The following CASZ1 variants were observed in gnomAD, a reference collection of about 807,000 sequenced individuals.
CASZ1 encodes the protein castor zinc finger 1.
Under a neutral mutation model 135.2 loss-of-function variants are expected in CASZ1, and 28 were observed. The observed-to-expected ratio is 0.21, with a 90% confidence interval of 0.15 to 0.28. The LOEUF (loss-of-function observed/expected upper bound fraction) is 0.28. Among genes scored for constraint, CASZ1 ranks in the 10% least tolerant of loss-of-function variants. CASZ1 has a pLI of 1.00. For synonymous variants in CASZ1, 1,068 were observed against 1,073.4 expected (o/e 0.99, Z 0.10); for missense variants, 2,161 against 2,453.3 (o/e 0.88, Z 2.52).
At position 10,757,212 on chromosome 1, in the gene CASZ1, G is replaced by A. The variant is rs1640275927; in HGVS notation, c.-77+3489C>T. Among the ~76,000 whole-genome samples, 1 of 152,146 alleles carries A rather than the reference G, an allele frequency of 6.6e-6. No homozygotes were observed. Among genetic ancestry groups the A allele is most frequent in the Non-Finnish European group, 1.5e-5 (1 of 68,008 alleles). ...CTCTCAAAGCCATGGGTCTTTCTTG[G>A]TACTGCTGTGTTCAGGGGGCAGGAG... On this transcript the variant is annotated intron_variant, in intron 2 of 20. Transcript: ENST00000377022. This position sits in a 1 kb window ranked among gnomAD's most constrained non-coding sequence, Gnocchi z 4.6.
In CASZ1 at chr1:10,711,761, A is replaced by G. The variant is rs1639290663; in HGVS notation, c.-76-6217T>C. On this transcript the variant is annotated intron_variant, in intron 2 of 20. Coordinates refer to ENST00000377022, the MANE Select transcript of CASZ1 (RefSeq NM_001079843.3). This position sits in a 1 kb window ranked among gnomAD's most constrained non-coding sequence, Gnocchi z 4.4. Reference sequence around the variant, plus strand: ...TTATTCAGCTATAAAAAAGGAGTGAAGTTCTGATATGGGCTACAATGTGGA... The same window carrying G: ...TTATTCAGCTATAAAAAAGGAGTGAGGTTCTGATATGGGCTACAATGTGGA... Among the ~76,000 whole-genome samples the G allele has an allele frequency of 6.6e-6, 1 of 152,188 alleles. No homozygotes were observed. Among genetic ancestry groups the G allele is most frequent in the Non-Finnish European group, 1.5e-5 (1 of 68,036 alleles).
chr1:10,721,600 C>T lies in CASZ1; in HGVS notation c.-76-16056G>A, dbSNP rs138768762. Among the ~76,000 whole-genome samples the T allele has an allele frequency of 2.6e-5, 4 of 152,320 alleles. No homozygotes were observed. The highest frequency in any genetic ancestry group is 6.5e-5 in the Admixed American group (1 of 15,304). On this transcript the variant is annotated intron_variant, in intron 2 of 20. Coordinates refer to ENST00000377022, the MANE Select transcript of CASZ1 (RefSeq NM_001079843.3). This position sits in a 1 kb window ranked among gnomAD's most constrained non-coding sequence, Gnocchi z 5.4. ...AACAGGGCAACTGGCTACCTGCCAGCGTGGCCCCCTTGCCATCAGAGCCCA... is the reference window on the plus strand; with the variant it reads ...AACAGGGCAACTGGCTACCTGCCAGTGTGGCCCCCTTGCCATCAGAGCCCA...
rs997029409 is a variant in CASZ1 at position 10,706,873 on chromosome 1, G to A, written c.-76-1329C>T. Among the ~76,000 whole-genome samples the A allele has an allele frequency of 7.2e-5, 11 of 151,784 alleles. No homozygotes were observed. The highest frequency in any genetic ancestry group is 1.3e-4 in the Non-Finnish European group (9 of 67,876). On this transcript the variant is annotated intron_variant, in intron 2 of 20. Coordinates refer to ENST00000377022, the MANE Select transcript of CASZ1 (RefSeq NM_001079843.3). This position sits in a 1 kb window ranked among gnomAD's most constrained non-coding sequence, Gnocchi z 4.3. The stretch of plus-strand genomic sequence containing the variant: ...CGGGGGGGTCTGCAGAGAGCTGGGC[G>A]GACCCCTGAGACAGGGGGCGGTAGA...
rs200129464 is a variant in CASZ1 at position 10,665,417 on chromosome 1, G to A, written c.171C>T (p.Ser57=). Residue 57 remains serine, a synonymous_variant, in exon 5 of 21, where the codon AGC becomes AGT. Transcript: ENST00000377022. The stretch of plus-strand genomic sequence containing the variant: ...GCTCTTGGTCCCGGGGCTGCGATGG[G>A]CTGCCCTCCGTGTGGGAGCCGGCGT... ...RADAGSHTEG[S]PSQPRDQERS... 1.9e-5 allele frequency: 30 copies of A among 1,612,416 alleles called. No individual in the cohort carries two copies. In the African/African-American group the frequency reaches 3.1e-4, roughly 16 times the overall value.
chr1:10,656,983 G>A (rs1642822088), intron 7 of CASZ1, among the ~76,000 whole-genome samples: 1 of 152,192 alleles, frequency 6.6e-6, no homozygotes, highest in South Asian at 2.1e-4. Context: ...GGGGGAGACA[G>A]ATGGGGCCCG....
At position 10,647,040 on chromosome 1, in the gene CASZ1, G is replaced by T. The variant is rs1253316428; in HGVS notation, c.3498-714C>A. 6.6e-6 allele frequency among the ~76,000 whole-genome samples: 1 copy of T among 151,898 alleles called. No homozygotes were observed. The highest frequency in any genetic ancestry group is 6.5e-5 in the Admixed American group (1 of 15,272). On this transcript the variant is annotated intron_variant, in intron 16 of 20. Transcript: ENST00000377022. The surrounding 1 kb of genome is among the most constrained non-coding windows in gnomAD (Gnocchi z 4.9). ...GGCAACACTGTAGTCCCCTCCCAGG[G>T]GACCCACGGTGGGCACTCTGACCAG...
rs1642254443 is a variant in CASZ1, at chr1:10,642,943, T to G, written c.4078A>C (p.Ser1360Arg). The G allele has an allele frequency of 6.2e-7, 1 of 1,612,930 alleles. No homozygotes were observed. The highest frequency in any genetic ancestry group is 1.3e-5 in the African/African-American group (1 of 74,946). ...TDECMDYTGC[S>R]PGAMSSESST... ...GACTCAGAGGACATGGCGCCTGGGC[T>G]GCAGCCAGTGTAGTCCATGCACTCA... is the stretch of plus-strand genomic sequence containing the variant. The change falls in exon 20 of 21, where the codon AGC becomes CGC. Residue 1360 changes from serine to arginine, a missense_variant. Ser to Arg is a moderately radical substitution (Grantham distance 110). Transcript: ENST00000377022.
At chr1:10,792,340 C>A (rs1426541878) in intron 1 of CASZ1, among the ~76,000 whole-genome samples, 1 of 23,938 alleles carries the variant, frequency 4.2e-5, no homozygotes, top group Admixed American at 5.3e-4. Flanking sequence ...CCCCCCCCCC[C>A]GGCCCCGCAC....
chr1:10,736,876 C>T (rs934053305), intron 2 of CASZ1, among the ~76,000 whole-genome samples: 6 of 152,206 alleles, frequency 3.9e-5, no homozygotes, highest in African/African-American at 7.2e-5. Context: ...ACTGGCACGC[C>T]TGGGTGGGAG....
At chr1:10,656,774 G>T (rs1398307011) in intron 7 of CASZ1, 38 bp from the exon 8 acceptor site, 8 of 1,400,616 alleles carry the variant, frequency 5.7e-6, no homozygotes, top group African/African-American at 1.4e-5. Flanking sequence ...CCCTGCTGTG[G>T]GTGACAGTCC....
intron 1 of CASZ1, among the ~76,000 whole-genome samples, chr1:10,787,935 T>C (rs1186180803): frequency 1.3e-5 from 2 of 151,930 alleles, no homozygotes; most frequent in Non-Finnish European, 2.9e-5. Context: ...AAACACAGAG[T>C]TTGAAAAAAT....
At chr1:10,658,701 G>T in intron 6 of CASZ1, 125 bp from the exon 7 acceptor site, 1 of 819,158 alleles carries the variant, frequency 1.2e-6, no homozygotes, top group East Asian at 2.5e-5. Flanking sequence ...AGTGTCCGAG[G>T]CACCCACGGT....
intron 4 of CASZ1, among the ~76,000 whole-genome samples, chr1:10,688,009 G>C (rs912418474): frequency 3.3e-5 from 5 of 152,206 alleles, no homozygotes; most frequent in African/African-American, 1.2e-4. Flanking sequence ...GGAGGCACTT[G>C]GGGAAGAGGC....
In CASZ1 at chr1:10,739,396, G is replaced by A. The variant is rs906826816; in HGVS notation, c.-77+21305C>T. ...GGGTGGCCACGGTGAGGAGGAGGAGGACCACATGCGCAGGGAAGGGCATGG... is the reference window on the plus strand; with the variant it reads ...GGGTGGCCACGGTGAGGAGGAGGAGAACCACATGCGCAGGGAAGGGCATGG... On this transcript the variant is annotated intron_variant, in intron 2 of 20. Transcript: ENST00000377022. The surrounding 1 kb of genome is among the most constrained non-coding windows in gnomAD (Gnocchi z 4.8). 4.6e-5 allele frequency among the ~76,000 whole-genome samples: 7 copies of A among 152,052 alleles called. 1 individual carries two copies. Among genetic ancestry groups the A allele is most frequent in the Non-Finnish European group, 8.8e-5 (6 of 67,928 alleles).
At chr1:10,664,354 G>A (rs1397036430) in intron 5 of CASZ1, among the ~76,000 whole-genome samples, 2 of 144,088 alleles carry the variant, frequency 1.4e-5, no homozygotes, top group African/African-American at 5.0e-5. Flanking sequence ...ACCCTCCCCT[G>A]AGCAGAAGGC....
rs774154742 is a variant in CASZ1, at chr1:10,639,968, C to T, written c.4254G>A (p.Thr1418=). The change falls in exon 21 of 21, where the codon ACG becomes ACA. Residue 1418 remains threonine, a synonymous_variant. Coordinates refer to ENST00000377022, the MANE Select transcript of CASZ1 (RefSeq NM_001079843.3). This position sits in a 1 kb window ranked among gnomAD's most constrained non-coding sequence, Gnocchi z 4.0. The part of the protein sequence containing the change: ...DMSPFGKRRK[T]ASSRKMLDEG... ...CGTCCAGCATCTTCCGGGAGGACGC[C>T]GTCTTCCGCCGCTTGCCGAAGGGCG... 7 of 1,612,746 alleles carry T rather than the reference C, an allele frequency of 4.3e-6. No individual in the cohort carries two copies. The highest frequency in any genetic ancestry group is 1.6e-4 in the Middle Eastern group (1 of 6,080).
rs1639010489 is a variant in CASZ1, at chr1:10,699,297, A to G, written c.-23-5385T>C. On this transcript the variant is annotated intron_variant, in intron 3 of 20. Coordinates refer to ENST00000377022, the MANE Select transcript of CASZ1 (RefSeq NM_001079843.3). This position sits in a 1 kb window ranked among gnomAD's most constrained non-coding sequence, Gnocchi z 4.6. ...CGCCCTTGTGCCCTGGGAGAGGATC[A>G]CACTTTCCCCCCATTTCCTTTTAGG... Among the ~76,000 whole-genome samples the G allele has an allele frequency of 6.6e-6, 1 of 152,184 alleles. No individual in the cohort carries two copies. Among genetic ancestry groups the G allele is most frequent in the African/African-American group, 2.4e-5 (1 of 41,444 alleles).
At position 10,639,465 on chromosome 1, in the gene CASZ1, G is replaced by A. The variant is rs757592574; in HGVS notation, c.4757C>T (p.Ser1586Leu). Residue 1586 changes from serine to leucine, a missense_variant, in exon 21 of 21, where the codon TCG becomes TTG. By Grantham distance (145) the Ser-to-Leu change is moderately radical. This residue lies in a region of CASZ1 where 240 missense variants were observed against 321.4 expected (regional missense o/e 0.75). Transcript: ENST00000377022. The surrounding 1 kb of genome is among the most constrained non-coding windows in gnomAD (Gnocchi z 4.0). ...PGCRHTVVGM[S>L]QMDSHKRKHE... ...CTTGCGCTTGTGCGAGTCCATCTGC[G>A]ACATGCCCACCACCGTGTGGCGGCA... 11 of 1,606,368 alleles carry A rather than the reference G, an allele frequency of 6.8e-6. No homozygotes were observed. Among genetic ancestry groups the A allele is most frequent in the Non-Finnish European group, 9.3e-6 (11 of 1,177,344 alleles).
At chr1:10,754,351 T>G (rs1431624412) in intron 2 of CASZ1, among the ~76,000 whole-genome samples, 1 of 152,232 alleles carries the variant, frequency 6.6e-6, no homozygotes, top group Admixed American at 6.5e-5. Flanking sequence ...CGTTGGCCTC[T>G]TCTTCATTTC....
Sources: gnomAD v4.1 joint callset for allele counts (sites outside exome capture counted in the v4.1 genomes callset) on GRCh38, gnomAD v4.1.1 for gene constraint, gnomAD v4.1.1 regional missense constraint, Gnocchi (gnomAD v3.1) non-coding constraint, MANE v1.5 for transcripts, NCBI Gene and HGNC (gene_info 2026-07-23, HGNC 2026-07-21) for gene names.